Variants in GRM1 observed in about 807,000 individuals in gnomAD.
GRM1 encodes glutamate metabotropic receptor 1, also known as metabotropic glutamate receptor 1.
Under a neutral mutation model 90.9 loss-of-function variants are expected in GRM1, and 33 were observed. That is an observed-to-expected ratio of 0.36 (90% CI 0.28 to 0.49). The LOEUF (loss-of-function observed/expected upper bound fraction) is 0.49, where lower values mean the gene tolerates loss of function less well. GRM1 is among the 20% of genes least tolerant of loss of function. The probability of loss-of-function intolerance (pLI) is 0.99; values close to 1 mark genes in which losing one functional copy is unlikely to be tolerated. For missense variants in GRM1, 1,190 were observed against 1,534.3 expected (o/e 0.78, Z 3.75); for synonymous variants, 700 against 613.2 (o/e 1.14, Z -2.09).
At chr6:146,335,861 G>A (rs1336441461) in intron 3 of GRM1, among the ~76,000 whole-genome samples, 1 of 152,136 alleles carries the variant, frequency 6.6e-6, no homozygotes, top group Non-Finnish European at 1.5e-5. Flanking sequence ...GACCTGGTGG[G>A]AGGTAATTGA....
chr6:146,260,831 T>C (rs1781668861), intron 2 of GRM1, among the ~76,000 whole-genome samples: 1 of 124,326 alleles, frequency 8.0e-6, no homozygotes, highest in Non-Finnish European at 1.7e-5. Flanking sequence ...TTTTTTTTTT[T>C]TTTTTTGCAA....
At chr6:146,384,494 AC>A (rs1335718138) in intron 5 of GRM1, among the ~76,000 whole-genome samples, 2 of 152,142 alleles carry the variant, frequency 1.3e-5, no homozygotes, top group Non-Finnish European at 2.9e-5. Flanking sequence ...AAGGGAACAA[AC>A]TAAGCTGTAA....
chr6:146,151,989 CAT>C (rs1336586730), intron 1 of GRM1, among the ~76,000 whole-genome samples: 1 of 152,134 alleles, frequency 6.6e-6, no homozygotes, highest in Non-Finnish European at 1.5e-5. Context: ...GATTTTTCAA[CAT>C]ATTAAATTGT....
chr6:146,240,531 G>A (rs1562550493), intron 2 of GRM1, among the ~76,000 whole-genome samples: 1 of 152,056 alleles, frequency 6.6e-6, no homozygotes, highest in South Asian at 2.1e-4. Context: ...TGGCAGGAAG[G>A]GAGCCAGGAA....
intron 2 of GRM1, among the ~76,000 whole-genome samples, chr6:146,172,049 G>T (rs1254816540): frequency 6.6e-6 from 1 of 151,660 alleles, no homozygotes; most frequent in African/African-American, 2.4e-5. Flanking sequence ...AGAGACAATA[G>T]ATATTAGTTC....
intron 7 of GRM1, among the ~76,000 whole-genome samples, chr6:146,426,321 C>T (rs1334414528): frequency 1.3e-5 from 2 of 150,824 alleles, no homozygotes; most frequent in African/African-American, 4.9e-5. Flanking sequence ...CACACACACA[C>T]ACACAGCAAA....
At chr6:146,185,586 T>G (rs1778704538) in intron 2 of GRM1, among the ~76,000 whole-genome samples, 1 of 152,238 alleles carries the variant, frequency 6.6e-6, no homozygotes, top group Non-Finnish European at 1.5e-5. Context: ...TACAGATGAC[T>G]GACAGCTTAA....
chr6:146,392,732 A>C (rs1201500237), intron 6 of GRM1, among the ~76,000 whole-genome samples: 4 of 152,016 alleles, frequency 2.6e-5, no homozygotes, highest in Non-Finnish European at 5.9e-5. Context: ...TCCCCTCGCT[A>C]TGCCCATATG....
At chr6:146,144,390 C>T (rs1046236628) in intron 1 of GRM1, among the ~76,000 whole-genome samples, 2 of 152,104 alleles carry the variant, frequency 1.3e-5, no homozygotes, top group Non-Finnish European at 2.9e-5. Context: ...GGGAGTGGAA[C>T]TTGTGGCTTT....
At chr6:146,330,252 G>A (rs760831274) in intron 3 of GRM1, among the ~76,000 whole-genome samples, 3 of 152,102 alleles carry the variant, frequency 2.0e-5, no homozygotes, top group Non-Finnish European at 4.4e-5. Flanking sequence ...CTTGTTAAAT[G>A]GATTTTTGTT....
intron 1 of GRM1, among the ~76,000 whole-genome samples, chr6:146,126,399 A>G (rs1301469254): frequency 3.3e-5 from 5 of 152,152 alleles, no homozygotes; most frequent in Non-Finnish European, 5.9e-5. Context: ...TGGTGCACAT[A>G]TATTTGTATA....
At chr6:146,350,380 G>A (rs1785358567) in intron 3 of GRM1, among the ~76,000 whole-genome samples, 1 of 152,032 alleles carries the variant, frequency 6.6e-6, no homozygotes, top group South Asian at 2.1e-4. Context: ...TGGTTGTAAT[G>A]ACTGCAACTT....
chr6:146,172,969 G>T (rs148341137), intron 2 of GRM1, among the ~76,000 whole-genome samples: 61 of 152,256 alleles, frequency 4.0e-4, no homozygotes, highest in African/African-American at 1.0e-3. Context: ...GAAAAGAGAG[G>T]CGACATTTCT....
At chr6:146,432,287 A>G (rs1000025958) in intron 7 of GRM1, among the ~76,000 whole-genome samples, 1 of 152,228 alleles carries the variant, frequency 6.6e-6, no homozygotes, top group Non-Finnish European at 1.5e-5. Flanking sequence ...TAACTGTTTT[A>G]TCTATTTTAG....
At chr6:146,423,919 T>C (rs979180432) in intron 7 of GRM1, among the ~76,000 whole-genome samples, 3 of 152,192 alleles carry the variant, frequency 2.0e-5, no homozygotes, top group Admixed American at 2.0e-4. Flanking sequence ...TGATCTGTCA[T>C]GGTGTTTTGT....
At chr6:146,028,061 T>A (rs1790554947), upstream of GRM1, among the ~76,000 whole-genome samples, 1 of 151,962 alleles carries the variant, frequency 6.6e-6, no homozygotes, top group Non-Finnish European at 1.5e-5. Context: ...GACTCTCACC[T>A]TGAGAAAAGG....
At chr6:146,409,263 A>G (rs76425672) in intron 7 of GRM1, among the ~76,000 whole-genome samples, 2,753 of 152,258 alleles carry the variant, frequency 0.018, 85 homozygotes, top group African/African-American at 0.063. Context: ...AACCATGCCA[A>G]TGCTCATGAG....
At chr6:146,254,987 AG>A in intron 2 of GRM1, among the ~76,000 whole-genome samples, 1 of 152,300 alleles carries the variant, frequency 6.6e-6, no homozygotes, top group South Asian at 2.1e-4. Context: ...AACTTTTAAG[AG>A]ATGTGGCATA....
intron 2 of GRM1, among the ~76,000 whole-genome samples, chr6:146,253,668 T>TC (rs1562559300): frequency 6.6e-6 from 1 of 152,206 alleles, no homozygotes; most frequent in Non-Finnish European, 1.5e-5. Context: ...GTGCATAATC[T>TC]GAAGACCTTG....
Sources: gnomAD v4.1 joint callset for allele counts (sites outside exome capture counted in the v4.1 genomes callset) on GRCh38, gnomAD v4.1.1 for gene constraint, MANE v1.5 for transcripts, NCBI Gene and HGNC (gene_info 2026-07-23, HGNC 2026-07-21) for gene names.